RBM47: variants seen among roughly 807,000 people sequenced by gnomAD.
The protein encoded by RBM47 is RNA-binding protein 47.
A neutral mutation model predicts 47.1 loss-of-function variants in RBM47; 21 were observed. The observed-to-expected ratio is 0.45, with a 90% confidence interval of 0.32 to 0.64. The LOEUF is 0.64. Among genes scored for constraint, RBM47 ranks in the 30% least tolerant of loss-of-function variants. The pLI is 0.05. For synonymous variants in RBM47, 375 were observed against 361.7 expected, an observed-to-expected ratio of 1.04 and a Z score of -0.42; for missense variants, 708 against 870.9, an observed-to-expected ratio of 0.81 and a Z score of 2.35.
intron 1 of RBM47, among the ~76,000 whole-genome samples, chr4:40,587,493 T>C (rs889108135): frequency 3.9e-5 from 6 of 152,180 alleles, no homozygotes; most frequent in South Asian, 2.1e-4. Flanking sequence ...GAAGACACTG[T>C]AAATATGAAG....
chr4:40,600,168 A>AT (rs1735114580), intron 1 of RBM47, among the ~76,000 whole-genome samples: 1 of 144,764 alleles, frequency 6.9e-6, no homozygotes, highest in African/African-American at 2.6e-5. Flanking sequence ...TACCTGGCTA[A>AT]TTTTTTTATG....
chr4:40,539,739 C>CAAAAAAA lies in RBM47; in HGVS notation c.-155+4676_-155+4682dup, dbSNP rs56005602. On this transcript the variant is annotated intron_variant, in intron 2 of 6. Coordinates refer to ENST00000295971, the MANE Select transcript of RBM47 (RefSeq NM_001098634.2). The stretch of plus-strand genomic sequence containing the variant: ...TGGGCGACAGAGCAAGACTCTGTCT[C>CAAAAAAA]AAAAAAAAAAAAAAAAAAAAAAAAA... Among the ~76,000 whole-genome samples the CAAAAAAA allele has an allele frequency of 1.1e-3, 62 of 56,330 alleles. 3 individuals are homozygous for CAAAAAAA. Among genetic ancestry groups the CAAAAAAA allele is most frequent in the African/African-American group, 3.9e-3 (56 of 14,478 alleles). The allele number at this position is 56,330 out of a possible 152,430, so 37.0% of individuals were successfully genotyped here.
At chr4:40,427,235 G>C (rs746231154) in intron 6 of RBM47, 1 of 152,204 alleles carries the variant, frequency 6.6e-6, no homozygotes, top group Non-Finnish European at 1.5e-5. Flanking sequence ...TAGAAGCTTA[G>C]AGAAAGAACC....
At chr4:40,575,672 G>GATA (rs1732229401) in intron 1 of RBM47, among the ~76,000 whole-genome samples, 1 of 151,996 alleles carries the variant, frequency 6.6e-6, no homozygotes, top group African/African-American at 2.4e-5. Flanking sequence ...GGACCACTTT[G>GATA]ATAAGGGCTA....
chr4:40,576,417 G>C (rs1214491268), intron 1 of RBM47, among the ~76,000 whole-genome samples: 1 of 151,732 alleles, frequency 6.6e-6, no homozygotes, highest in Non-Finnish European at 1.5e-5. Flanking sequence ...CACCATGCCT[G>C]GCCTCCAAGC....
At position 40,436,475 on chromosome 4, in the gene RBM47, A is replaced by G. The variant is rs1238180483; in HGVS notation, c.1296T>C (p.Pro432=). 6.2e-7 allele frequency: 1 copy of G among 1,614,102 alleles called. No homozygotes were observed. The highest frequency in any genetic ancestry group is 1.7e-5 in the Admixed American group (1 of 60,030). ...GYELVPNLEI[P]TVNPVAIKPG... is the part of the protein sequence containing the mutation. ...GTTTAATGGCAACTGGGTTGACGGT[A>G]GGGATTTCCAAATTCGGCACCAGTT... The change falls in exon 5 of 7, where the codon CCT becomes CCC. Residue 432 remains proline, a synonymous_variant. Coordinates refer to ENST00000295971, the MANE Select transcript of RBM47 (RefSeq NM_001098634.2).
intron 2 of RBM47, among the ~76,000 whole-genome samples, chr4:40,522,388 C>A (rs1726283033): frequency 6.6e-6 from 1 of 152,054 alleles, no homozygotes; most frequent in South Asian, 2.1e-4. Flanking sequence ...GCCTGTAATC[C>A]CAGATACTCG....
chr4:40,573,851 AAAAT>A (rs1320555102), intron 1 of RBM47, among the ~76,000 whole-genome samples: 1 of 147,432 alleles, frequency 6.8e-6, no homozygotes, highest in Non-Finnish European at 1.5e-5. Context: ...GAAAGAAAGA[AAAAT>A]AAACTTTGAC....
At chr4:40,581,070 A>G (rs1049256740) in intron 1 of RBM47, among the ~76,000 whole-genome samples, 6 of 152,348 alleles carry the variant, frequency 3.9e-5, no homozygotes, top group African/African-American at 1.4e-4. Context: ...GGAGGTGGCC[A>G]GAGGTCATGA....
chr4:40,579,950 G>T (rs1732724820), intron 1 of RBM47, among the ~76,000 whole-genome samples: 1 of 151,888 alleles, frequency 6.6e-6, no homozygotes, highest in Non-Finnish European at 1.5e-5. Context: ...TAGAGACAGG[G>T]TCTCGCCTTG....
chr4:40,472,508 G>A (rs561525496), intron 2 of RBM47, among the ~76,000 whole-genome samples: 1 of 148,582 alleles, frequency 6.7e-6, no homozygotes, highest in Non-Finnish European at 1.5e-5. Context: ...GTTGCAGTAA[G>A]CTGAGATCAC....
intron 2 of RBM47, among the ~76,000 whole-genome samples, chr4:40,510,050 G>A (rs1724718709): frequency 6.6e-6 from 1 of 151,876 alleles, no homozygotes; most frequent in African/African-American, 2.4e-5. Context: ...AGCCAGGCAT[G>A]ATGGCACATG....
chr4:40,607,145 G>A (rs1243053012), intron 1 of RBM47, among the ~76,000 whole-genome samples: 4 of 152,030 alleles, frequency 2.6e-5, no homozygotes, highest in Admixed American at 6.6e-5. Flanking sequence ...TGGTATGTCC[G>A]TACAATGGAC....
intron 3 of RBM47, among the ~76,000 whole-genome samples, chr4:40,454,847 A>C (rs1036041477): frequency 6.6e-6 from 1 of 152,186 alleles, no homozygotes; most frequent in Non-Finnish European, 1.5e-5. Context: ...AACTTGACCC[A>C]ACTTACAGAA....
At chr4:40,566,310 T>A (rs534799952) in intron 1 of RBM47, among the ~76,000 whole-genome samples, 112 of 152,260 alleles carry the variant, frequency 7.4e-4, no homozygotes, top group African/African-American at 2.6e-3. Flanking sequence ...TGTATCATGC[T>A]GGGGATGAAC....
At chr4:40,570,767 A>C (rs1731626572) in intron 1 of RBM47, among the ~76,000 whole-genome samples, 1 of 152,092 alleles carries the variant, frequency 6.6e-6, no homozygotes. Flanking sequence ...ATATCTAATA[A>C]ATTTCAAATA....
At chr4:40,621,274 C>T (rs552871444) in intron 1 of RBM47, among the ~76,000 whole-genome samples, 8 of 152,266 alleles carry the variant, frequency 5.3e-5, no homozygotes, top group East Asian at 3.9e-4. Context: ...GGCAAATGAA[C>T]GCAGAGAGGG....
chr4:40,465,601 C>T (rs1481416454), intron 3 of RBM47, among the ~76,000 whole-genome samples: 1 of 152,066 alleles, frequency 6.6e-6, no homozygotes, highest in Non-Finnish European at 1.5e-5. Flanking sequence ...ATTGCTCGAA[C>T]CCGGGAGGCG....
chr4:40,488,198 C>A (rs982978119), intron 2 of RBM47, among the ~76,000 whole-genome samples: 1 of 151,944 alleles, frequency 6.6e-6, no homozygotes, highest in African/African-American at 2.4e-5. Context: ...CCTGTAATCG[C>A]CACTACTCAG....
Sources: gnomAD v4.1 joint callset for allele counts (sites outside exome capture counted in the v4.1 genomes callset) on GRCh38, gnomAD v4.1.1 for gene constraint, MANE v1.5 for transcripts, NCBI Gene and HGNC (gene_info 2026-07-23, HGNC 2026-07-21) for gene names.